The following GALNT10 variants were observed in gnomAD, a reference collection of about 807,000 sequenced individuals.
The protein encoded by GALNT10 is GalNAc transferase 10.
A neutral mutation model predicts 75.0 loss-of-function variants in GALNT10; 41 were observed. The ratio of observed to expected loss-of-function variants is 0.55; its 90% CI spans 0.43 to 0.71. The LOEUF (loss-of-function observed/expected upper bound fraction) is 0.71. GALNT10 is among the 30% of genes least tolerant of loss of function. GALNT10 has a pLI of 0.00. For synonymous variants in GALNT10, 302 were observed against 313.0 expected (o/e 0.96, Z 0.37); for missense variants, 727 against 818.5 (o/e 0.89, Z 1.36).
chr5:154,370,034 T>C (rs1047250166), intron 4 of GALNT10, among the ~76,000 whole-genome samples: 4 of 152,362 alleles, frequency 2.6e-5, no homozygotes, highest in African/African-American at 7.2e-5. Flanking sequence ...ACTTGGGAAT[T>C]GATCTGATTA....
chr5:154,218,087 C>G, intron 1 of GALNT10: 1 of 985,198 alleles, frequency 1.0e-6, no homozygotes, highest in Non-Finnish European at 1.2e-6. Flanking sequence ...ATTATTCCCA[C>G]CGCCCAAGAG....
chr5:154,331,698 T>C (rs1250608825), intron 4 of GALNT10, among the ~76,000 whole-genome samples: 1 of 152,154 alleles, frequency 6.6e-6, no homozygotes. Context: ...CAGAGGTGCA[T>C]GTACAGGACG....
In GALNT10 at chr5:154,240,443, G is replaced by T. The variant is rs1047066756; in HGVS notation, c.159+49418G>T. 6.6e-5 allele frequency among the ~76,000 whole-genome samples: 10 copies of T among 152,190 alleles called. No individual in the cohort carries two copies. The South Asian group carries it at 1.7e-3, about 25-fold the overall frequency. On this transcript the variant is annotated intron_variant, in intron 1 of 11. Coordinates refer to ENST00000297107, the MANE Select transcript of GALNT10 (RefSeq NM_198321.4). Reference sequence around the variant, plus strand: ...TCATAATCCCAGGTTAGAGTACTCAGTATGGGGTCAGCTTGACACAATTTT... The same window carrying T: ...TCATAATCCCAGGTTAGAGTACTCATTATGGGGTCAGCTTGACACAATTTT...
At chr5:154,316,553 A>G (rs574382818) in intron 3 of GALNT10, among the ~76,000 whole-genome samples, 17 of 152,354 alleles carry the variant, frequency 1.1e-4, no homozygotes, top group African/African-American at 3.8e-4. Context: ...CTTCACAGCC[A>G]TACACAGGAA....
At chr5:154,193,350 G>C (rs777367017) in intron 1 of GALNT10, among the ~76,000 whole-genome samples, 1 of 152,162 alleles carries the variant, frequency 6.6e-6, no homozygotes, top group Non-Finnish European at 1.5e-5. Flanking sequence ...CTCTCCCACA[G>C]ATGCAGAGCA....
Position 154,415,800 on chromosome 5 carries a change from G to T in GALNT10, c.1521G>T (p.Trp507Cys), listed in dbSNP as rs1263911922. ...WNNMQVFTFT[W>C]REDIRPGDPQ... ...GTGCACAGGTATTCACCTTCACCTG[G>T]AGAGAGGACATCCGGCCTGGAGACC... Residue 507 changes from tryptophan (W) to cysteine (C), a missense_variant, in exon 11 of 12, where the codon TGG (tryptophan) becomes TGT (cysteine). Trp to Cys is a radical substitution (Grantham distance 215). Coordinates refer to ENST00000297107, the MANE Select transcript of GALNT10 (RefSeq NM_198321.4). 48 of 1,613,990 alleles carry T rather than the reference G, an allele frequency of 3.0e-5. No homozygotes were observed. Among genetic ancestry groups the T allele is most frequent in the Non-Finnish European group, 3.8e-5 (45 of 1,179,992 alleles).
At chr5:154,279,296 G>GTTT (rs111488218) in intron 1 of GALNT10, among the ~76,000 whole-genome samples, 6 of 83,852 alleles carry the variant, frequency 7.2e-5, no homozygotes, top group Non-Finnish European at 1.1e-4. Context: ...TGTTGTTGTT[G>GTTT]TTGTTTTGTT....
At chr5:154,388,570 G>A (rs1387914505) in intron 7 of GALNT10, 4 of 152,086 alleles carry the variant, frequency 2.6e-5, no homozygotes, top group Admixed American at 1.3e-4. Context: ...CCAAACGCAG[G>A]TCTGCTTGAC....
intron 1 of GALNT10, among the ~76,000 whole-genome samples, chr5:154,225,987 G>A (rs2113659185): frequency 6.6e-6 from 1 of 151,806 alleles, no homozygotes; most frequent in Non-Finnish European, 1.5e-5. Context: ...CTGTTGTGGG[G>A]TAGGGGAAGG....
intron 1 of GALNT10, among the ~76,000 whole-genome samples, chr5:154,194,896 T>G (rs1460696588): frequency 6.6e-6 from 1 of 152,204 alleles, no homozygotes; most frequent in Non-Finnish European, 1.5e-5. Context: ...AACTCTTACA[T>G]CCTGAGGTTC....
At chr5:154,219,645 C>A (rs941543177) in intron 1 of GALNT10, 1 of 152,210 alleles carries the variant, frequency 6.6e-6, no homozygotes, top group African/African-American at 2.4e-5. Context: ...TTCAGCATTT[C>A]TATGGGTGGG....
intron 4 of GALNT10, among the ~76,000 whole-genome samples, chr5:154,359,405 C>T (rs1270865020): frequency 1.3e-5 from 2 of 152,008 alleles, no homozygotes; most frequent in Non-Finnish European, 2.9e-5. Context: ...GGTGACCAGA[C>T]GTGCCTCCTA....
intron 1 of GALNT10, among the ~76,000 whole-genome samples, chr5:154,253,254 A>G (rs1561641677): frequency 1.3e-5 from 2 of 151,834 alleles, no homozygotes; most frequent in East Asian, 1.9e-4. Context: ...GACATGGATG[A>G]AGCTGGAAAC....
rs886530993 is a variant in GALNT10 at position 154,402,302 on chromosome 5, T to G, written c.1057-1802T>G. Among the ~76,000 whole-genome samples, 1 of 152,236 alleles carries G rather than the reference T, an allele frequency of 6.6e-6. No homozygotes were observed. The highest frequency in any genetic ancestry group is 6.5e-5 in the Admixed American group (1 of 15,294). The stretch of plus-strand genomic sequence containing the variant: ...GATTATGCCAAGCTTGGCCCTGCCC[T>G]GGTGCCTTTGCACTTGCTCTTCTCC... On this transcript the variant is annotated intron_variant, in intron 7 of 11. Coordinates refer to ENST00000297107, the MANE Select transcript of GALNT10 (RefSeq NM_198321.4). This position sits in a 1 kb window ranked among gnomAD's most constrained non-coding sequence, Gnocchi z 4.2.
At chr5:154,401,578 C>T (rs981490784) in intron 7 of GALNT10, among the ~76,000 whole-genome samples, 2 of 152,208 alleles carry the variant, frequency 1.3e-5, no homozygotes, top group East Asian at 1.9e-4. Flanking sequence ...CCCATTATCT[C>T]GAGACCAATG....
At chr5:154,279,275 TTTG>T (rs143621696) in intron 1 of GALNT10, among the ~76,000 whole-genome samples, 53,957 of 146,152 alleles carry the variant, frequency 0.37, 12,086 homozygotes, top group East Asian at 0.76. Context: ...AATGCTAGTT[TTTG>T]TTGTTGTTGT....
chr5:154,218,867 A>T (rs1277023954), intron 1 of GALNT10, among the ~76,000 whole-genome samples: 1 of 152,036 alleles, frequency 6.6e-6, no homozygotes, highest in Non-Finnish European at 1.5e-5. Flanking sequence ...GCTGTTCGCC[A>T]CACTGGCCAC....
intron 3 of GALNT10, among the ~76,000 whole-genome samples, chr5:154,317,278 T>C (rs530857688): frequency 1.3e-5 from 2 of 152,364 alleles, no homozygotes; most frequent in African/African-American, 4.8e-5. Context: ...ATAGTTCCCT[T>C]TTAAATGATT....
chr5:154,228,810 C>T (rs1051813828), intron 1 of GALNT10, among the ~76,000 whole-genome samples: 2 of 152,228 alleles, frequency 1.3e-5, no homozygotes, highest in African/African-American at 4.8e-5. Flanking sequence ...TTCAAGTTAA[C>T]CTGGTTTAGT....
Sources: allele counts gnomAD v4.1 joint callset (sites outside exome capture counted in the v4.1 genomes callset), GRCh38; gene constraint gnomAD v4.1.1; non-coding constraint Gnocchi (gnomAD v3.1); transcripts MANE v1.5; gene names NCBI Gene and HGNC (gene_info 2026-07-23, HGNC 2026-07-21).